Variants in AKAP14 observed in about 807,000 individuals in gnomAD.
AKAP14 encodes A-kinase anchor protein 14.
Under a neutral mutation model 17.0 loss-of-function variants are expected in AKAP14, and 4 were observed. The ratio of observed to expected loss-of-function variants is 0.23; its 90% CI spans 0.12 to 0.54. The LOEUF (loss-of-function observed/expected upper bound fraction) is 0.54, where lower values mean the gene tolerates loss of function less well. Ranked by LOEUF, AKAP14 falls within the 20% of genes least tolerant of loss-of-function variation. The pLI is 0.95. For missense variants in AKAP14, 129 were observed against 150.9 expected, an observed-to-expected ratio of 0.85 and a Z score of 0.76; for synonymous variants, 42 against 51.3, an observed-to-expected ratio of 0.82 and a Z score of 0.77.
At chrX:119,911,290 G>A (rs1484502986) in intron 4 of AKAP14, among the ~76,000 whole-genome samples, 1 of 107,561 alleles carries the variant, frequency 9.3e-6, no homozygotes, top group East Asian at 2.9e-4. Flanking sequence ...GAAGGCGAAG[G>A]TTGCAGCGAG....
intron 4 of AKAP14, among the ~76,000 whole-genome samples, chrX:119,913,147 T>TAAATA (rs941258293): frequency 4.8e-4 from 51 of 105,301 alleles, no homozygotes; most frequent in East Asian, 2.0e-3. Context: ...AATAAATAAA[T>TAAATA]AAATAAAATA....
intron 5 of AKAP14, among the ~76,000 whole-genome samples, chrX:119,918,842 T>C (rs1051932555): frequency 1.5e-4 from 17 of 112,074 alleles, no homozygotes; most frequent in Non-Finnish European, 2.4e-4. Context: ...TGCCTTCCCA[T>C]CCTTTCCCAA....
At chrX:119,908,299 A>AC (rs1417420017) in intron 4 of AKAP14, among the ~76,000 whole-genome samples, 1 of 102,810 alleles carries the variant, frequency 9.7e-6, no homozygotes, top group African/African-American at 3.5e-5. Flanking sequence ...AAAAAAAAAA[A>AC]AAAGAAGGAT....
At chrX:119,920,032 G>T (rs1174961297) in intron 6 of AKAP14, 69 bp downstream of exon 6, 4 of 1,064,845 alleles carry the variant, frequency 3.8e-6, no homozygotes, top group East Asian at 3.0e-5. Flanking sequence ...GAATCCAGCA[G>T]TTGCGCAACA....
At chrX:119,918,609 A>G (rs1052240384) in intron 5 of AKAP14, among the ~76,000 whole-genome samples, 1 of 112,548 alleles carries the variant, frequency 8.9e-6, no homozygotes, top group Non-Finnish European at 1.9e-5. Flanking sequence ...GTCTTCCTGT[A>G]AAACAAGGCC....
chrX:119,915,368 C>T (rs2056651379), intron 5 of AKAP14, among the ~76,000 whole-genome samples: 1 of 112,184 alleles, frequency 8.9e-6, no homozygotes, highest in Admixed American at 9.6e-5. Context: ...TTTTCCCTTC[C>T]AAGCCTATCT....
At chrX:119,896,643 G>T (rs976024331) in intron 2 of AKAP14, among the ~76,000 whole-genome samples, 16 of 111,398 alleles carry the variant, frequency 1.4e-4, no homozygotes, top group African/African-American at 5.2e-4. Context: ...GGCTCCCCAG[G>T]GAAAGTCTTA....
At chrX:119,899,255 GT>G (rs778819515) in intron 2 of AKAP14, among the ~76,000 whole-genome samples, 120 of 110,136 alleles carry the variant, frequency 1.1e-3, no homozygotes, top group Non-Finnish European at 1.9e-3. Context: ...GAGCAGCACA[GT>G]TGAGAGCATG....
chrX:119,911,507 C>T (rs192629569), intron 4 of AKAP14, among the ~76,000 whole-genome samples: 2 of 110,836 alleles, frequency 1.8e-5, no homozygotes, highest in Non-Finnish European at 3.8e-5. Context: ...GAAGTCACAT[C>T]TGGTTGGAAG....
At chrX:119,903,671 G>A (rs1301957865) in intron 4 of AKAP14, 85 bp downstream of exon 4, 2 of 1,172,986 alleles carry the variant, frequency 1.7e-6, no homozygotes, top group Non-Finnish European at 2.3e-6. Flanking sequence ...TTTGAAGTCT[G>A]GAAAATCTAG....
intron 4 of AKAP14, among the ~76,000 whole-genome samples, chrX:119,907,819 T>C (rs771103614): frequency 3.6e-4 from 40 of 111,649 alleles, no homozygotes; most frequent in African/African-American, 1.1e-3. Context: ...TCCACCACAG[T>C]AGGAAAAGTA....
chrX:119,898,370 A>C, intron 2 of AKAP14, among the ~76,000 whole-genome samples: 1 of 112,469 alleles, frequency 8.9e-6, no homozygotes. Context: ...AACAATAGCC[A>C]ACATTATTTC....
intron 4 of AKAP14, among the ~76,000 whole-genome samples, chrX:119,912,033 G>A (rs1016288112): frequency 2.8e-5 from 3 of 109,006 alleles, no homozygotes; most frequent in Non-Finnish European, 5.7e-5. Context: ...TGGGTTCGAA[G>A]GATTCTCATG....
intron 5 of AKAP14, among the ~76,000 whole-genome samples, chrX:119,916,139 T>G (rs374846075): frequency 2.7e-5 from 3 of 109,352 alleles, no homozygotes; most frequent in African/African-American, 6.6e-5. Context: ...TTGTCACTTT[T>G]GTGTTTAAAA....
chrX:119,903,112 T>A (rs1350162425), intron 2 of AKAP14, 102 bp from the exon 3 acceptor site: 2 of 861,563 alleles, frequency 2.3e-6, no homozygotes, highest in Non-Finnish European at 3.2e-6. Context: ...CAATAACTGC[T>A]TCCTGTCTCT....
At chrX:119,916,472 CT>C (rs1410888809) in intron 5 of AKAP14, among the ~76,000 whole-genome samples, 2 of 105,474 alleles carry the variant, frequency 1.9e-5, no homozygotes, top group Non-Finnish European at 3.9e-5. Context: ...ATCTATCTAT[CT>C]ATCTATCTAT....
intron 2 of AKAP14, among the ~76,000 whole-genome samples, chrX:119,901,807 C>T (rs1049868864): frequency 2.0e-4 from 22 of 109,286 alleles, no homozygotes; most frequent in Non-Finnish European, 1.3e-4. Flanking sequence ...GTCAAGAGTT[C>T]GAGACCAGCC....
At chrX:119,916,424 T>G (rs762569009) in intron 5 of AKAP14, among the ~76,000 whole-genome samples, 1 of 101,888 alleles carries the variant, frequency 9.8e-6, no homozygotes, top group South Asian at 4.5e-4. Context: ...TATATCTGTC[T>G]GCCTATCTAA....
intron 4 of AKAP14, among the ~76,000 whole-genome samples, chrX:119,907,851 T>C: frequency 8.9e-6 from 1 of 112,280 alleles, no homozygotes; most frequent in Admixed American, 9.6e-5. Context: ...TATTTGTTTT[T>C]TCTCATCAGC....
Sources: gnomAD v4.1 joint callset for allele counts (sites outside exome capture counted in the v4.1 genomes callset) on GRCh38, gnomAD v4.1.1 for gene constraint, MANE v1.5 for transcripts, NCBI Gene and HGNC (gene_info 2026-07-23, HGNC 2026-07-21) for gene names.